MAD1L1: variants seen among roughly 807,000 people sequenced by gnomAD.
MAD1L1 encodes the protein mitotic spindle assembly checkpoint protein MAD1.
Under a neutral mutation model 96.9 loss-of-function variants are expected in MAD1L1, and 95 were observed. The ratio of observed to expected loss-of-function variants is 0.98; its 90% CI spans 0.83 to 1.16. The LOEUF (loss-of-function observed/expected upper bound fraction) is 1.16, where lower values mean the gene tolerates loss of function less well. MAD1L1 is among the 50% of genes most tolerant of loss of function. MAD1L1 has a pLI of 0.00. For missense variants in MAD1L1, 1,007 were observed against 954.4 expected (o/e 1.06, Z -0.73); for synonymous variants, 473 against 396.6 (o/e 1.19, Z -2.29).
In MAD1L1 at chr7:2,152,895, T is replaced by C. The variant is rs12536730; in HGVS notation, c.987-3657A>G. 6.5e-3 allele frequency among the ~76,000 whole-genome samples: 990 copies of C among 152,256 alleles called. 33 individuals are homozygous for C. The highest frequency in any genetic ancestry group is 0.059 in the Admixed American group (898 of 15,296). ...GAGGACATGCACCGTGGAGGCGGTG[T>C]CTGGATGTCGCCGGGGACATGAGGA... is the stretch of plus-strand genomic sequence containing the variant. On this transcript the variant is annotated intron_variant, in intron 10 of 18. Transcript: ENST00000265854.
intron 18 of MAD1L1, chr7:1,847,737 G>A (rs1278577919): frequency 4.3e-6 from 2 of 469,028 alleles, no homozygotes; most frequent in Admixed American, 2.3e-5. Context: ...GCGTCCCTGG[G>A]CCCGGGACAC....
At chr7:2,126,536 C>A (rs1342186638) in intron 11 of MAD1L1, among the ~76,000 whole-genome samples, 1 of 152,128 alleles carries the variant, frequency 6.6e-6, no homozygotes, top group Admixed American at 6.5e-5. Flanking sequence ...CCAGGCCAGG[C>A]ACAATGATTG....
chr7:1,942,797 CG>C (rs780592290), intron 16 of MAD1L1, among the ~76,000 whole-genome samples: 67 of 152,264 alleles, frequency 4.4e-4, no homozygotes, highest in Admixed American at 1.0e-3. Flanking sequence ...GAAACTCACA[CG>C]GAACTGCAGG....
intron 16 of MAD1L1, among the ~76,000 whole-genome samples, chr7:1,945,720 C>T (rs1009158381): frequency 3.3e-5 from 5 of 152,212 alleles, no homozygotes; most frequent in East Asian, 1.9e-4. Context: ...AGCACTCACG[C>T]GACCCCTCAG....
intron 11 of MAD1L1, among the ~76,000 whole-genome samples, chr7:2,086,990 A>C (rs1414553908): frequency 1.3e-5 from 2 of 152,224 alleles, no homozygotes; most frequent in Non-Finnish European, 2.9e-5. Context: ...AAAAAGCAAC[A>C]TCACTTTGAG....
intron 15 of MAD1L1, among the ~76,000 whole-genome samples, chr7:1,965,389 T>C (rs1780121082): frequency 6.6e-6 from 1 of 152,192 alleles, no homozygotes; most frequent in Non-Finnish European, 1.5e-5. Context: ...AGGGCTACAA[T>C]GCCTGGACAC....
intron 18 of MAD1L1, among the ~76,000 whole-genome samples, chr7:1,878,735 C>T (rs1785516619): frequency 1.5e-5 from 1 of 68,196 alleles, no homozygotes; most frequent in Non-Finnish European, 4.0e-5. Flanking sequence ...AAAATGTCCC[C>T]CCCCCCCCAT....
At chr7:2,184,519 C>T (rs1257237744) in intron 10 of MAD1L1, among the ~76,000 whole-genome samples, 4 of 152,150 alleles carry the variant, frequency 2.6e-5, no homozygotes, top group Non-Finnish European at 5.9e-5. Flanking sequence ...AAGTTATACA[C>T]GTACTCATTA....
chr7:1,883,695 G>A (rs1785828111), intron 18 of MAD1L1, among the ~76,000 whole-genome samples: 1 of 152,242 alleles, frequency 6.6e-6, no homozygotes, highest in Admixed American at 6.5e-5. Flanking sequence ...TCCAAAGCCT[G>A]ATTTCACGGA....
Position 1,816,360 on chromosome 7 carries a change from C to T in MAD1L1, c.1999-132G>A, listed in dbSNP as rs531951043. On this transcript the variant is annotated intron_variant, in intron 18 of 18. Coordinates refer to ENST00000265854, the MANE Select transcript of MAD1L1 (RefSeq NM_001013836.2). Reference sequence around the variant, plus strand: ...CTGAGGACCTGGACAGGGGTAGATGCGTCCTCAACCCTGCCAGGCCTTATT... The same window carrying T: ...CTGAGGACCTGGACAGGGGTAGATGTGTCCTCAACCCTGCCAGGCCTTATT... The T allele has an allele frequency of 2.3e-4, 185 of 794,208 alleles. 1 individual carries two copies. In the African/African-American group the frequency reaches 2.7e-3, roughly 12 times the overall value. 49.2% of individuals were successfully genotyped at this position (794,208 alleles called of 1,614,324 possible).
chr7:1,950,720 C>G (rs1351377114), intron 16 of MAD1L1, among the ~76,000 whole-genome samples: 1 of 152,212 alleles, frequency 6.6e-6, no homozygotes, highest in East Asian at 1.9e-4. Context: ...TGCAGGCCCA[C>G]AGGGGGAGGG....
At chr7:2,096,370 T>TCATG (rs1425077926) in intron 11 of MAD1L1, among the ~76,000 whole-genome samples, 2 of 152,148 alleles carry the variant, frequency 1.3e-5, no homozygotes, top group African/African-American at 2.4e-5. Context: ...GTGGCGGGGC[T>TCATG]CATGCCTGCA....
intron 15 of MAD1L1, among the ~76,000 whole-genome samples, chr7:1,975,711 G>T (rs1334340705): frequency 6.6e-6 from 1 of 152,176 alleles, no homozygotes; most frequent in Non-Finnish European, 1.5e-5. Context: ...GGTGTGAGTG[G>T]AGATCACAGA....
chr7:1,955,381 C>A (rs556713001), intron 16 of MAD1L1, among the ~76,000 whole-genome samples: 11 of 152,274 alleles, frequency 7.2e-5, no homozygotes, highest in African/African-American at 2.6e-4. Context: ...ATCTCTGCCT[C>A]CTGGGTTCAA....
chr7:2,082,185 CG>C (rs1023208392), intron 11 of MAD1L1, among the ~76,000 whole-genome samples: 2 of 151,480 alleles, frequency 1.3e-5, no homozygotes, highest in African/African-American at 4.9e-5. Flanking sequence ...GGGGAGGGGA[CG>C]GGGACCAGGA....
chr7:2,151,156 T>C (rs1789550631), intron 10 of MAD1L1, among the ~76,000 whole-genome samples: 1 of 152,248 alleles, frequency 6.6e-6, no homozygotes, highest in African/African-American at 2.4e-5. Context: ...GAGATATTTT[T>C]TCTGAAACAT....
chr7:1,875,043 A>C (rs4719331), intron 18 of MAD1L1, among the ~76,000 whole-genome samples: 45,204 of 151,862 alleles, frequency 0.3, 8,055 homozygotes, highest in African/African-American at 0.5. Flanking sequence ...AGGTACAATC[A>C]GGACAAGCTC....
chr7:2,184,228 GGCAACAGAGC>G (rs1471709643), intron 10 of MAD1L1, among the ~76,000 whole-genome samples: 1 of 151,784 alleles, frequency 6.6e-6, no homozygotes, highest in African/African-American at 2.4e-5. Flanking sequence ...CTCCAGCCTG[GGCAACAGAGC>G]GAGACTCTGT....
chr7:2,151,133 C>G (rs1371341218), intron 10 of MAD1L1, among the ~76,000 whole-genome samples: 1 of 152,218 alleles, frequency 6.6e-6, no homozygotes, highest in Non-Finnish European at 1.5e-5. Flanking sequence ...GTAAGGAAAC[C>G]TTTCCAAGCC....
Sources: gnomAD v4.1 joint callset for allele counts (sites outside exome capture counted in the v4.1 genomes callset) on GRCh38, gnomAD v4.1.1 for gene constraint, MANE v1.5 for transcripts, NCBI Gene and HGNC (gene_info 2026-07-23, HGNC 2026-07-21) for gene names.